NUP35: variants seen among roughly 807,000 people sequenced by gnomAD.
The protein encoded by NUP35 is nucleoporin NUP35.
Under a neutral mutation model 41.5 loss-of-function variants are expected in NUP35, and 25 were observed. The observed-to-expected ratio is 0.60, with a 90% CI of 0.44 to 0.84. NUP35 has a LOEUF of 0.84. Among genes scored for constraint, NUP35 ranks in the 40% least tolerant of loss-of-function variants. NUP35 has a pLI of 0.00. For synonymous variants in NUP35, 149 were observed against 130.7 expected, an observed-to-expected ratio of 1.14 and a Z score of -0.96; for missense variants, 396 against 396.6, an observed-to-expected ratio of 1.00 and a Z score of 0.01.
chr2:183,157,495 G>A lies in NUP35; in HGVS notation c.591G>A (p.Gly197=), dbSNP rs1229890587. ...SYILLQFAQY[G]NILKHVMSNT... ...TATTACTACAATTTGCACAGTATGG[G>A]AATATCTTAAAACATGTGGTAAGGC... Residue 197 remains glycine (G), a synonymous_variant, in exon 6 of 9, where the codon GGG becomes GGA. Coordinates refer to ENST00000295119, the MANE Select transcript of NUP35 (RefSeq NM_138285.5). The A allele has an allele frequency of 5.8e-5, 94 of 1,611,006 alleles. No individual in the cohort carries two copies. Among genetic ancestry groups the A allele is most frequent in the Non-Finnish European group, 8.0e-5 (94 of 1,177,596 alleles).
chr2:183,123,150 C>G (rs1324758041), upstream of NUP35, among the ~76,000 whole-genome samples: 1 of 152,168 alleles, frequency 6.6e-6, no homozygotes, highest in African/African-American at 2.4e-5. Context: ...GTAATAGATT[C>G]TCCCCTGGAG....
At chr2:183,121,516 G>GA (rs1223337005), upstream of NUP35, among the ~76,000 whole-genome samples, 1 of 152,014 alleles carries the variant, frequency 6.6e-6, no homozygotes, top group Non-Finnish European at 1.5e-5. Context: ...TGTCTTAATG[G>GA]AAAAAAGTTT....
intron 8 of NUP35, 197 bp from the exon 9 acceptor site, chr2:183,160,857 C>T (rs966340910): frequency 6.8e-5 from 26 of 381,176 alleles, no homozygotes; most frequent in East Asian, 3.3e-4. Context: ...CCGAGGCGGG[C>T]GGATCACGAG....
intron 8 of NUP35, 167 bp downstream of exon 8, chr2:183,159,819 T>C (rs529124622): frequency 1.4e-4 from 69 of 503,026 alleles, no homozygotes; most frequent in South Asian, 7.1e-4. Context: ...AGTTAACATC[T>C]TGGCCAATTG....
intron 4 of NUP35, among the ~76,000 whole-genome samples, chr2:183,144,322 A>T (rs946989573): frequency 4.6e-5 from 7 of 152,208 alleles, no homozygotes; most frequent in Non-Finnish European, 8.8e-5. Context: ...CATAGGCATG[A>T]TTGAATTACC....
chr2:183,136,535 C>G (rs1205647976), intron 4 of NUP35, among the ~76,000 whole-genome samples: 1 of 152,220 alleles, frequency 6.6e-6, no homozygotes. Context: ...TCATGGCTCT[C>G]CATCTTCCAT....
At chr2:183,150,656 CTTAT>C in intron 4 of NUP35, among the ~76,000 whole-genome samples, 1 of 152,068 alleles carries the variant, frequency 6.6e-6, no homozygotes, top group East Asian at 1.9e-4. Context: ...TAAGTATTTA[CTTAT>C]TTGTCTCTCT....
chr2:183,148,254 G>A (rs967637547), intron 4 of NUP35, among the ~76,000 whole-genome samples: 3 of 152,134 alleles, frequency 2.0e-5, no homozygotes, highest in African/African-American at 7.2e-5. Flanking sequence ...TGTGAATAGT[G>A]CTGTGATAAA....
At chr2:183,150,672 T>C (rs1476505783) in intron 4 of NUP35, among the ~76,000 whole-genome samples, 2 of 152,246 alleles carry the variant, frequency 1.3e-5, no homozygotes, top group African/African-American at 4.8e-5. Flanking sequence ...TGTCTCTCTT[T>C]CGCTAGAATG....
chr2:183,124,233 G>A, upstream of NUP35: 3 of 1,114,028 alleles, frequency 2.7e-6, no homozygotes, highest in South Asian at 1.9e-5. Context: ...AGAACCATAC[G>A]CTGGTTCGCC....
chr2:183,123,504 A>T (rs1203605955), upstream of NUP35, among the ~76,000 whole-genome samples: 1 of 152,200 alleles, frequency 6.6e-6, no homozygotes, highest in Non-Finnish European at 1.5e-5. Flanking sequence ...TTACTGCCTC[A>T]TTCCAAAGAC....
At chr2:183,146,442 G>C (rs747388008) in intron 4 of NUP35, among the ~76,000 whole-genome samples, 5 of 151,982 alleles carry the variant, frequency 3.3e-5, no homozygotes, top group Non-Finnish European at 7.4e-5. Context: ...CACTATTCTA[G>C]ACCTTACTAG....
At chr2:183,147,763 A>G (rs183011556) in intron 4 of NUP35, among the ~76,000 whole-genome samples, 64 of 152,232 alleles carry the variant, frequency 4.2e-4, no homozygotes, top group African/African-American at 1.5e-3. Context: ...CCTTTGGGCA[A>G]TATGGTCATT....
intron 4 of NUP35, among the ~76,000 whole-genome samples, chr2:183,134,064 A>G (rs1464998092): frequency 1.3e-5 from 2 of 152,238 alleles, no homozygotes; most frequent in East Asian, 3.8e-4. Flanking sequence ...AGAGATGTTA[A>G]TGCATAGTTA....
chr2:183,128,437 T>C lies in NUP35; in HGVS notation c.191T>C (p.Met64Thr). Reference sequence around the variant, plus strand: ...GGCCCTTCAGTAGGAGTAATGGAAATGAGATCACCTTTACTTGCAGGTAGG... The same window carrying C: ...GGCCCTTCAGTAGGAGTAATGGAAACGAGATCACCTTTACTTGCAGGTAGG... ...ISGPSVGVME[M>T]RSPLLAGGSP... Residue 64 changes from methionine (M) to threonine (T), a missense_variant, in exon 2 of 9, where the codon ATG becomes ACG. Physicochemically the swap from Met to Thr is moderately conservative, Grantham distance 81. Coordinates refer to ENST00000295119, the MANE Select transcript of NUP35 (RefSeq NM_138285.5). The C allele has an allele frequency of 6.2e-7, 1 of 1,613,130 alleles. No individual in the cohort carries two copies. The highest frequency in any genetic ancestry group is 1.3e-5 in the African/African-American group (1 of 74,950).
intron 3 of NUP35, among the ~76,000 whole-genome samples, chr2:183,133,323 C>CT (rs33994337): frequency 0.018 from 2,569 of 141,870 alleles, 27 homozygotes; most frequent in Middle Eastern, 0.046. Flanking sequence ...AGAAGATAGT[C>CT]TTTTTTTTTT....
At chr2:183,147,879 T>C (rs950844470) in intron 4 of NUP35, among the ~76,000 whole-genome samples, 8 of 152,136 alleles carry the variant, frequency 5.3e-5, no homozygotes, top group African/African-American at 1.7e-4. Flanking sequence ...TAGAGATTTT[T>C]CACCTCCTGG....
chr2:183,127,710 A>G (rs1032227937), intron 1 of NUP35, among the ~76,000 whole-genome samples: 1 of 152,242 alleles, frequency 6.6e-6, no homozygotes, highest in East Asian at 1.9e-4. Context: ...TGATTCGGAA[A>G]TGGAAAGAAG....
intron 4 of NUP35, among the ~76,000 whole-genome samples, chr2:183,144,180 C>A (rs1685196826): frequency 6.6e-6 from 1 of 152,176 alleles, no homozygotes; most frequent in African/African-American, 2.4e-5. Context: ...AAATGTGAAG[C>A]TTCCTTTCCA....
Sources: gnomAD v4.1 joint callset for allele counts (sites outside exome capture counted in the v4.1 genomes callset) on GRCh38, gnomAD v4.1.1 for gene constraint, MANE v1.5 for transcripts, NCBI Gene and HGNC (gene_info 2026-07-23, HGNC 2026-07-21) for gene names.